The following NRG1 variants were observed in gnomAD, a reference collection of about 807,000 sequenced individuals.
The protein encoded by NRG1 is neuregulin 1.
A neutral mutation model predicts 63.8 loss-of-function variants in NRG1; 18 were observed. That is an observed-to-expected ratio of 0.28 (90% CI 0.19 to 0.42). The LOEUF is 0.42. NRG1 is among the 10% of genes least tolerant of loss of function. The pLI, the probability that NRG1 is intolerant of heterozygous loss-of-function variation, is 1.00. For missense variants in NRG1, 762 were observed against 814.7 expected (o/e 0.94, Z 0.79); for synonymous variants, 302 against 301.3 (o/e 1.00, Z -0.02).
chr8:32,438,767 G>T (rs1317902682), intron 1 of NRG1, among the ~76,000 whole-genome samples: 2 of 151,988 alleles, frequency 1.3e-5, no homozygotes, highest in Non-Finnish European at 2.9e-5. Flanking sequence ...GTTTTACTTT[G>T]CATTTCTTTA....
chr8:31,947,441 T>C (rs1802754222), intron 1 of NRG1, among the ~76,000 whole-genome samples: 1 of 152,206 alleles, frequency 6.6e-6, no homozygotes, highest in Non-Finnish European at 1.5e-5. Flanking sequence ...TTATTATTAT[T>C]ATTATTTATT....
chr8:32,592,035 A>C (rs1842625099), intron 1 of NRG1, among the ~76,000 whole-genome samples: 1 of 152,028 alleles, frequency 6.6e-6, no homozygotes, highest in Non-Finnish European at 1.5e-5. Context: ...AATGAAGCCT[A>C]GGTCTTTTAT....
At chr8:32,250,811 C>T (rs186956286) in intron 1 of NRG1, among the ~76,000 whole-genome samples, 19 of 151,674 alleles carry the variant, frequency 1.3e-4, no homozygotes, top group Admixed American at 5.3e-4. Context: ...TGCCATGTTT[C>T]GGTGATGATA....
intron 11 of NRG1, among the ~76,000 whole-genome samples, chr8:32,762,503 C>G (rs747824047): frequency 1.8e-4 from 27 of 152,056 alleles, no homozygotes; most frequent in Non-Finnish European, 2.9e-4. Flanking sequence ...CCCCCAAAGC[C>G]AAAAGTTTGA....
At chr8:32,217,445 C>CAAG (rs1332023744) in intron 1 of NRG1, among the ~76,000 whole-genome samples, 1 of 152,044 alleles carries the variant, frequency 6.6e-6, no homozygotes, top group Admixed American at 6.6e-5. Flanking sequence ...TTCTCTAAGC[C>CAAG]AAGAGCTGGT....
chr8:31,647,874 A>G (rs945081930), intron 1 of NRG1, among the ~76,000 whole-genome samples: 1 of 152,136 alleles, frequency 6.6e-6, no homozygotes, highest in Non-Finnish European at 1.5e-5. Context: ...TTTGGAATAT[A>G]GTTTTATTCC....
At chr8:32,691,321 C>A (rs1257795693) in intron 5 of NRG1, among the ~76,000 whole-genome samples, 1 of 152,150 alleles carries the variant, frequency 6.6e-6, no homozygotes, top group East Asian at 1.9e-4. Context: ...CCACTGCACT[C>A]CAGCCTGGGC....
chr8:32,760,215 C>T (rs1315295427), exon 11 of NRG1: 1 of 1,613,872 alleles, frequency 6.2e-7, no homozygotes, highest in African/African-American at 1.3e-5. Context: ...GCAACGGACA[C>T]ACTGAAAGCA....
chr8:32,214,546 G>A (rs1176175551), intron 1 of NRG1, among the ~76,000 whole-genome samples: 3 of 152,142 alleles, frequency 2.0e-5, no homozygotes, highest in Admixed American at 6.6e-5. Flanking sequence ...GGGAGGCTGA[G>A]GTGGGAGGAT....
Position 31,884,518 on chromosome 8 carries a change from C to A in NRG1, c.37+245087C>A, listed in dbSNP as rs572218517. Among the ~76,000 whole-genome samples the A allele has an allele frequency of 5.1e-4, 77 of 152,176 alleles. 1 individual carries two copies. The highest frequency in any genetic ancestry group is 1.6e-3 in the African/African-American group (67 of 41,540). On this transcript the variant is annotated intron_variant, in intron 1 of 10. Coordinates refer to the NRG1 transcript ENST00000519301. ...CCTGTAAGAAACCTTGACAGAACTG[C>A]CTTTTCTCCCACCTCCAAGTCAATG... is the stretch of plus-strand genomic sequence containing the variant.
intron 1 of NRG1, among the ~76,000 whole-genome samples, chr8:31,742,872 G>A (rs1815441333): frequency 6.6e-6 from 1 of 151,984 alleles, no homozygotes. Context: ...TCCATATGCT[G>A]TTGACAGAAC....
chr8:32,725,521 G>A (rs1821915818), intron 5 of NRG1, among the ~76,000 whole-genome samples: 1 of 120,464 alleles, frequency 8.3e-6, no homozygotes, highest in Non-Finnish European at 1.6e-5. Flanking sequence ...TGTCACCCAG[G>A]CTTCAGTGCG....
At chr8:32,055,939 A>G (rs916195558) in intron 1 of NRG1, among the ~76,000 whole-genome samples, 2 of 152,140 alleles carry the variant, frequency 1.3e-5, no homozygotes, top group Non-Finnish European at 2.9e-5. Context: ...TCATGTTAAC[A>G]TAGTTCACAT....
At chr8:31,877,713 C>T (rs978528337) in intron 1 of NRG1, among the ~76,000 whole-genome samples, 33 of 152,034 alleles carry the variant, frequency 2.2e-4, no homozygotes, top group African/African-American at 3.6e-4. Flanking sequence ...TTCTTGACAG[C>T]GGCAGTGTTC....
intron 5 of NRG1, chr8:32,721,715 A>C (rs1378728823): frequency 1.6e-6 from 1 of 608,380 alleles, no homozygotes; most frequent in African/African-American, 1.9e-5. Context: ...AAAAATGCCA[A>C]CCCAGAATGA....
chr8:32,015,425 G>A (rs952995581), intron 1 of NRG1, among the ~76,000 whole-genome samples: 1 of 152,082 alleles, frequency 6.6e-6, no homozygotes, highest in East Asian at 1.9e-4. Flanking sequence ...TATTACAAAG[G>A]AAATAGCATT....
chr8:32,173,543 G>A (rs1036504748), intron 1 of NRG1, among the ~76,000 whole-genome samples: 7 of 152,114 alleles, frequency 4.6e-5, no homozygotes, highest in Non-Finnish European at 8.8e-5. Context: ...GACACAGACT[G>A]GCAGATTGGA....
intron 1 of NRG1, among the ~76,000 whole-genome samples, chr8:32,260,052 C>T (rs1850193470): frequency 6.6e-6 from 1 of 152,112 alleles, no homozygotes; most frequent in African/African-American, 2.4e-5. Context: ...CTTCTCTGCC[C>T]CAACTTGATA....
chr8:32,242,670 G>T (rs1848224024), intron 1 of NRG1, among the ~76,000 whole-genome samples: 1 of 152,118 alleles, frequency 6.6e-6, no homozygotes, highest in Admixed American at 6.6e-5. Context: ...TATTTCAGCA[G>T]ATGTCCTCTG....
Sources: gnomAD v4.1 joint callset for allele counts (sites outside exome capture counted in the v4.1 genomes callset) on GRCh38, gnomAD v4.1.1 for gene constraint, MANE v1.5 for transcripts, NCBI Gene and HGNC (gene_info 2026-07-23, HGNC 2026-07-21) for gene names.